The following MAP3K5 variants were observed in gnomAD, a reference collection of about 807,000 sequenced individuals.
MAP3K5 encodes the protein mitogen-activated protein kinase kinase kinase 5, also known as ASK-1.
A neutral mutation model predicts 158.7 loss-of-function variants in MAP3K5; 56 were observed. That is an observed-to-expected ratio of 0.35 (90% CI 0.28 to 0.44). The LOEUF is 0.44. Ranked by LOEUF, MAP3K5 falls within the 20% of genes least tolerant of loss-of-function variation. The pLI, the probability that MAP3K5 is intolerant of heterozygous loss-of-function variation, is 1.00. For missense variants in MAP3K5, 1,294 were observed against 1,674.8 expected, an observed-to-expected ratio of 0.77 and a Z score of 3.97; for synonymous variants, 579 against 601.7, an observed-to-expected ratio of 0.96 and a Z score of 0.55.
At chr6:136,601,662 C>A in intron 20 of MAP3K5, 140 bp downstream of exon 20, 1 of 730,382 alleles carries the variant, frequency 1.4e-6, no homozygotes, top group Non-Finnish European at 2.2e-6. Context: ...CAACCAAATG[C>A]CTGAGAACAC....
chr6:136,759,556 T>C (rs928835908), intron 1 of MAP3K5, among the ~76,000 whole-genome samples: 11 of 148,378 alleles, frequency 7.4e-5, no homozygotes, highest in African/African-American at 2.5e-4. Flanking sequence ...CTGCAACCTC[T>C]ACATCCTAGG....
chr6:136,642,675 C>T, intron 11 of MAP3K5, 106 bp from the exon 12 acceptor site: 1 of 740,374 alleles, frequency 1.4e-6, no homozygotes, highest in Non-Finnish European at 2.3e-6. Context: ...GCCATTTTTC[C>T]TGGTACACTA....
chr6:136,639,117 G>A (rs1368077766), intron 13 of MAP3K5, among the ~76,000 whole-genome samples: 3 of 152,066 alleles, frequency 2.0e-5, no homozygotes, highest in African/African-American at 4.8e-5. Flanking sequence ...TGAGGTGGGG[G>A]CCATGCATGT....
chr6:136,780,862 G>A (rs778805128), intron 1 of MAP3K5, among the ~76,000 whole-genome samples: 4 of 152,110 alleles, frequency 2.6e-5, no homozygotes, highest in Non-Finnish European at 5.9e-5. Flanking sequence ...AATGGGGAAT[G>A]TAGGTCGTTC....
chr6:136,697,811 C>A (rs1780667484), intron 4 of MAP3K5, among the ~76,000 whole-genome samples: 1 of 152,144 alleles, frequency 6.6e-6, no homozygotes, highest in Non-Finnish European at 1.5e-5. Context: ...CTGGCATGAT[C>A]TTGGCTCACT....
At chr6:136,779,942 G>A (rs1266660180) in intron 1 of MAP3K5, among the ~76,000 whole-genome samples, 1 of 152,210 alleles carries the variant, frequency 6.6e-6, no homozygotes, top group Admixed American at 6.5e-5. Flanking sequence ...GCTTCAGATG[G>A]CAGAGTAGCA....
intron 1 of MAP3K5, among the ~76,000 whole-genome samples, chr6:136,730,678 C>T (rs962040731): frequency 1.4e-5 from 2 of 147,258 alleles, no homozygotes; most frequent in Admixed American, 6.9e-5. Context: ...GCCAAGATGG[C>T]GCCACTGTAC....
chr6:136,636,378 T>C (rs1000334645), intron 14 of MAP3K5, among the ~76,000 whole-genome samples: 6 of 152,210 alleles, frequency 3.9e-5, no homozygotes, highest in African/African-American at 1.4e-4. Context: ...AATAAATGTC[T>C]ACTGTTTACA....
At position 136,770,952 on chromosome 6, in the gene MAP3K5, C is replaced by T. The variant is rs565492758; in HGVS notation, c.448+20758G>A. Among the ~76,000 whole-genome samples, 24 of 152,164 alleles carry T rather than the reference C, an allele frequency of 1.6e-4. No homozygotes were observed. In the South Asian group the frequency reaches 4.8e-3, roughly 30 times the overall value. ...AGGGATAATATTCTTAATATGTATA[C>T]AACTCCTTATTATATTAAAGGAATC... On this transcript the variant is annotated intron_variant, in intron 1 of 29. Transcript: ENST00000359015.
At chr6:136,671,922 G>A (rs574255423) in intron 7 of MAP3K5, among the ~76,000 whole-genome samples, 241 of 151,828 alleles carry the variant, frequency 1.6e-3, no homozygotes, top group African/African-American at 4.5e-3. Flanking sequence ...CACTGCACTC[G>A]GCCAACTATA....
At chr6:136,559,704 TA>T (rs1830421276) in intron 28 of MAP3K5, among the ~76,000 whole-genome samples, 2 of 152,312 alleles carry the variant, frequency 1.3e-5, no homozygotes, top group South Asian at 2.1e-4. Context: ...AAATTTTATT[TA>T]TTTTTTTATA....
intron 14 of MAP3K5, among the ~76,000 whole-genome samples, chr6:136,628,225 C>T (rs923276728): frequency 1.3e-5 from 2 of 152,042 alleles, no homozygotes; most frequent in Non-Finnish European, 2.9e-5. Flanking sequence ...AATCCTCCCA[C>T]TTCAGCCTCC....
At chr6:136,588,017 C>T (rs1185695175) in intron 23 of MAP3K5, among the ~76,000 whole-genome samples, 1 of 152,156 alleles carries the variant, frequency 6.6e-6, no homozygotes, top group Non-Finnish European at 1.5e-5. Flanking sequence ...CTGGCATTTC[C>T]TGTACTGGAA....
intron 23 of MAP3K5, among the ~76,000 whole-genome samples, chr6:136,591,503 A>C (rs534651303): frequency 6.6e-6 from 1 of 152,234 alleles, no homozygotes; most frequent in Non-Finnish European, 1.5e-5. Flanking sequence ...TCAATGTAGA[A>C]TATTAGAAGT....
chr6:136,651,080 T>C lies in MAP3K5; in HGVS notation c.1692A>G (p.Leu564=). 6.4e-7 allele frequency: 1 copy of C among 1,567,644 alleles called. No homozygotes were observed. The highest frequency in any genetic ancestry group is 8.8e-7 in the Non-Finnish European group (1 of 1,139,664). The change falls in exon 11 of 30, where the codon TTA becomes TTG. Residue 564 remains leucine, a synonymous_variant. Coordinates refer to ENST00000359015, the MANE Select transcript of MAP3K5 (RefSeq NM_005923.4). The part of the protein sequence containing the change: ...VTVVRFPVLI[L]EPTKIYQPSY... The stretch of plus-strand genomic sequence containing the variant: ...AAGGTTGATAGATTTTGGTTGGTTC[T>C]AATATTAATACCTTGAAAAGATACG...
rs141861623 is a variant in MAP3K5, at chr6:136,737,074, T to C, written c.449-16485A>G. On this transcript the variant is annotated intron_variant, in intron 1 of 29. Coordinates refer to ENST00000359015, the MANE Select transcript of MAP3K5 (RefSeq NM_005923.4). ...ATATATATAAACTTAGATGTGATTA[T>C]ATAAATGTCTCTTTAAAAGAAGGCT... 3.1e-3 allele frequency among the ~76,000 whole-genome samples: 456 copies of C among 145,606 alleles called. 7 individuals carry two copies. The highest frequency in any genetic ancestry group is 0.011 in the African/African-American group (433 of 39,892).
intron 1 of MAP3K5, among the ~76,000 whole-genome samples, chr6:136,791,495 A>G (rs3734552): frequency 0.66 from 100,852 of 152,018 alleles, 33,906 homozygotes; most frequent in African/African-American, 0.78. Flanking sequence ...GTGGATCCAT[A>G]GGTCTATCGC....
At chr6:136,659,176 AG>A in intron 9 of MAP3K5, 42 bp downstream of exon 9, 1 of 1,471,614 alleles carries the variant, frequency 6.8e-7, no homozygotes, top group Non-Finnish European at 9.4e-7. Context: ...AACAATATGG[AG>A]CTGTTTATTA....
chr6:136,695,906 C>T lies in MAP3K5; in HGVS notation c.1082+45G>A, dbSNP rs1554299460. The T allele has an allele frequency of 1.9e-5, 22 of 1,160,028 alleles. No individual in the cohort carries two copies. In the Admixed American group the frequency reaches 3.9e-4, roughly 21 times the overall value. The allele number at this position is 1,160,028 out of a possible 1,614,324, so 71.9% of individuals were successfully genotyped here. On this transcript the variant is annotated intron_variant, in intron 6 of 29. Coordinates refer to ENST00000359015, the MANE Select transcript of MAP3K5 (RefSeq NM_005923.4). ...TCTCTGTAAAGAATTGCAGGTTACA[C>T]AATAATATGTTAACGCATTCTGGAA...
Sources: allele counts gnomAD v4.1 joint callset (sites outside exome capture counted in the v4.1 genomes callset), GRCh38; gene constraint gnomAD v4.1.1; transcripts MANE v1.5; gene names NCBI Gene and HGNC (gene_info 2026-07-23, HGNC 2026-07-21).